Variants in DCLK2 observed in about 807,000 individuals in gnomAD.
The protein encoded by DCLK2 is serine/threonine-protein kinase DCLK2.
In DCLK2, 31 loss-of-function variants were observed where a neutral mutation model predicts 78.4. The observed-to-expected ratio is 0.40, with a 90% confidence interval of 0.30 to 0.53. The LOEUF is 0.53. Ranked by LOEUF, DCLK2 falls within the 20% of genes least tolerant of loss-of-function variation. DCLK2 has a pLI of 0.61. For synonymous variants in DCLK2, 407 were observed against 374.9 expected (o/e 1.09, Z -0.99); for missense variants, 872 against 973.7 (o/e 0.90, Z 1.39).
At chr4:150,175,074 T>TTG (rs1471195133) in intron 2 of DCLK2, among the ~76,000 whole-genome samples, 186 of 7,954 alleles carry the variant, frequency 0.023, 47 homozygotes, top group East Asian at 0.039. Context: ...TTATATATAT[T>TTG]TATATATTTA....
chr4:150,214,458 T>C (rs2126500884), intron 5 of DCLK2, among the ~76,000 whole-genome samples: 1 of 152,310 alleles, frequency 6.6e-6, no homozygotes, highest in East Asian at 1.9e-4. Context: ...GGAAAAGCTT[T>C]CCTAAGAAAG....
Position 150,173,093 on chromosome 4 carries a change from G to C in DCLK2, c.757-20045G>C, listed in dbSNP as rs537410052. The stretch of plus-strand genomic sequence containing the variant: ...CTTTCTGAGGATCCAAGGATCTTCT[G>C]TTCTCCTTCCCTCTTACAAATCATT... On this transcript the variant is annotated intron_variant, in intron 2 of 15. Transcript: ENST00000296550. Among the ~76,000 whole-genome samples the C allele has an allele frequency of 2.0e-5, 3 of 148,938 alleles. No individual in the cohort carries two copies. In the South Asian group the frequency reaches 6.5e-4, roughly 32 times the overall value.
In DCLK2 at chr4:150,189,848, T is replaced by G. The variant is rs547331382; in HGVS notation, c.757-3290T>G. Among the ~76,000 whole-genome samples, 9 of 151,468 alleles carry G rather than the reference T, an allele frequency of 5.9e-5. No homozygotes were observed. The South Asian group carries it at 1.5e-3, about 25-fold the overall frequency. ...AAAGCCAGGAACTCTACTAGACCTG[T>G]GGGAATGATGAACAGGGAACACCCA... On this transcript the variant is annotated intron_variant, in intron 2 of 15. Transcript: ENST00000296550.
At chr4:150,248,251 T>A in intron 13 of DCLK2, 54 bp from the exon 14 acceptor site, 1 of 1,499,770 alleles carries the variant, frequency 6.7e-7, no homozygotes, top group Non-Finnish European at 9.3e-7. Context: ...GTATTTATGC[T>A]GGAATTACCT....
At chr4:150,150,434 A>T (rs1456660175) in intron 2 of DCLK2, among the ~76,000 whole-genome samples, 2 of 152,170 alleles carry the variant, frequency 1.3e-5, no homozygotes, top group Non-Finnish European at 2.9e-5. Context: ...ATTCAGTGAG[A>T]TATATTAAAG....
intron 2 of DCLK2, among the ~76,000 whole-genome samples, chr4:150,115,676 G>A (rs902914207): frequency 1.3e-5 from 2 of 152,156 alleles, no homozygotes; most frequent in Non-Finnish European, 2.9e-5. Context: ...GGTTGTATTA[G>A]CAATGTGCTT....
intron 5 of DCLK2, among the ~76,000 whole-genome samples, chr4:150,214,040 C>T (rs1740502713): frequency 6.6e-6 from 1 of 152,202 alleles, no homozygotes; most frequent in Admixed American, 6.5e-5. Flanking sequence ...ATGCAAAATA[C>T]TCACTTCATG....
chr4:150,190,834 A>G (rs891887580), intron 2 of DCLK2, among the ~76,000 whole-genome samples: 3 of 152,142 alleles, frequency 2.0e-5, no homozygotes, highest in Non-Finnish European at 2.9e-5. Flanking sequence ...AAAAAACAAC[A>G]AAACACCAGC....
intron 13 of DCLK2, 109 bp from the exon 14 acceptor site, chr4:150,248,196 T>C: frequency 1.2e-6 from 1 of 850,560 alleles, no homozygotes; most frequent in Non-Finnish European, 1.9e-6. Flanking sequence ...AGTTAGCAGC[T>C]GTGCTGGCTC....
At chr4:150,249,511 AC>A (rs1743586807) in intron 14 of DCLK2, 56 bp from the exon 15 acceptor site, 1 of 1,500,672 alleles carries the variant, frequency 6.7e-7, no homozygotes, top group Non-Finnish European at 9.3e-7. Flanking sequence ...TAAGGAAAAG[AC>A]AACTCAAACG....
chr4:150,094,717 G>A (rs543059532), intron 1 of DCLK2, among the ~76,000 whole-genome samples: 2 of 152,324 alleles, frequency 1.3e-5, no homozygotes, highest in Admixed American at 6.5e-5. Context: ...TTGGAAATAC[G>A]CATTTTCTTC....
At chr4:150,248,133 C>T (rs1322988583) in intron 13 of DCLK2, among the ~76,000 whole-genome samples, 172 bp from the exon 14 acceptor site, 1 of 152,196 alleles carries the variant, frequency 6.6e-6, no homozygotes, top group Non-Finnish European at 1.5e-5. Flanking sequence ...TTTTCTTTTG[C>T]ACTGCTTATA....
intron 1 of DCLK2, among the ~76,000 whole-genome samples, chr4:150,081,967 C>A (rs112922592): frequency 0.14 from 20,246 of 143,360 alleles, 1,774 homozygotes; most frequent in Middle Eastern, 0.2. Context: ...CACTGCACTC[C>A]AGCCTGGGCG....
chr4:150,170,760 A>C (rs1403675937), intron 2 of DCLK2, among the ~76,000 whole-genome samples: 3 of 152,132 alleles, frequency 2.0e-5, no homozygotes, highest in Admixed American at 2.0e-4. Context: ...AAAGACCAGA[A>C]TCTTGGTATT....
chr4:150,200,044 G>C (rs1417164921), intron 4 of DCLK2, among the ~76,000 whole-genome samples: 1 of 152,178 alleles, frequency 6.6e-6, no homozygotes, highest in Non-Finnish European at 1.5e-5. Context: ...ATAAAAGGGA[G>C]AGTGGTTCAA....
intron 6 of DCLK2, 96 bp downstream of exon 6, chr4:150,220,874 T>A: frequency 1.0e-6 from 1 of 987,022 alleles, no homozygotes; most frequent in Non-Finnish European, 1.6e-6. Context: ...ACGATCTTCC[T>A]AAAGAGGGAT....
At chr4:150,115,398 T>C (rs574655749) in intron 2 of DCLK2, among the ~76,000 whole-genome samples, 20 of 152,348 alleles carry the variant, frequency 1.3e-4, no homozygotes, top group African/African-American at 4.1e-4. Context: ...GATCCATTGC[T>C]GAAGAGCTAG....
At chr4:150,212,462 T>C (rs1321504950) in intron 5 of DCLK2, among the ~76,000 whole-genome samples, 1 of 152,252 alleles carries the variant, frequency 6.6e-6, no homozygotes, top group African/African-American at 2.4e-5. Context: ...TCTTTTGTAA[T>C]TAAGACTAGT....
chr4:150,224,541 G>A lies in DCLK2; in HGVS notation c.1282G>A (p.Ala428Thr). The A allele has an allele frequency of 6.2e-7, 1 of 1,612,604 alleles. No homozygotes were observed. The highest frequency in any genetic ancestry group is 8.5e-7 in the Non-Finnish European group (1 of 1,179,452). ...GTTTGCCCTAAAGATTATAGACAAA[G>A]CCAAATGTTGTGGAAAGGTATAGTA... ...KEFALKIIDKAKCCGKEHLIE... is the reference protein window; with the variant it reads ...KEFALKIIDKTKCCGKEHLIE... Residue 428 changes from alanine (A) to threonine (T), a missense_variant, in exon 8 of 16, where the codon GCC (alanine) becomes ACC (threonine). Physicochemically the swap from Ala to Thr is moderately conservative, Grantham distance 58. This residue lies in a region of DCLK2 where 567 missense variants were observed against 593.4 expected (regional missense o/e 0.96). Coordinates refer to ENST00000296550, the MANE Select transcript of DCLK2 (RefSeq NM_001040260.4).
Sources: allele counts gnomAD v4.1 joint callset (sites outside exome capture counted in the v4.1 genomes callset), GRCh38; gene constraint gnomAD v4.1.1; regional missense constraint gnomAD v4.1.1; transcripts MANE v1.5; gene names NCBI Gene and HGNC (gene_info 2026-07-23, HGNC 2026-07-21).